ARL15: variants seen among roughly 807,000 people sequenced by gnomAD.
ARL15 encodes the protein ADP-ribosylation factor-like protein 15.
ARL15 carries 19 observed loss-of-function variants against 25.2 expected under a neutral mutation model. The ratio of observed to expected loss-of-function variants is 0.75; its 90% CI spans 0.53 to 1.10. The LOEUF (loss-of-function observed/expected upper bound fraction) is 1.10. Among genes scored for constraint, ARL15 ranks in the 50% least tolerant of loss-of-function variants. ARL15 has a pLI of 0.00. For synonymous variants in ARL15, 94 were observed against 86.8 expected, an observed-to-expected ratio of 1.08 and a Z score of -0.46; for missense variants, 220 against 246.0, an observed-to-expected ratio of 0.89 and a Z score of 0.71.
intron 4 of ARL15, among the ~76,000 whole-genome samples, chr5:53,989,227 A>AT (rs1748401321): frequency 6.6e-6 from 1 of 152,204 alleles, no homozygotes; most frequent in African/African-American, 2.4e-5. Flanking sequence ...CTATTGAAGG[A>AT]TAAAAAATAA....
chr5:54,162,963 T>C (rs1299103664), intron 2 of ARL15, among the ~76,000 whole-genome samples: 1 of 152,190 alleles, frequency 6.6e-6, no homozygotes, highest in Non-Finnish European at 1.5e-5. Context: ...AGAACAGACA[T>C]CCATGTCTTA....
intron 1 of ARL15, among the ~76,000 whole-genome samples, chr5:54,284,252 T>C (rs1310120133): frequency 6.6e-6 from 1 of 152,150 alleles, no homozygotes. Context: ...TACAGGAGCA[T>C]GCCACCATGC....
chr5:54,234,299 T>C (rs1756745648), intron 1 of ARL15, among the ~76,000 whole-genome samples: 3 of 150,720 alleles, frequency 2.0e-5, no homozygotes, highest in South Asian at 2.1e-4. Flanking sequence ...CCCGTTACTA[T>C]TGTTATTTTT....
intron 2 of ARL15, among the ~76,000 whole-genome samples, chr5:54,168,440 AACTTG>A (rs1754637476): frequency 1.3e-5 from 2 of 151,798 alleles, no homozygotes; most frequent in Admixed American, 6.6e-5. Flanking sequence ...TAAAGCTATA[AACTTG>A]ACTCATATTT....
intron 4 of ARL15, among the ~76,000 whole-genome samples, chr5:54,100,725 G>A (rs1222212648): frequency 2.0e-5 from 3 of 151,966 alleles, no homozygotes; most frequent in East Asian, 3.9e-4. Context: ...ATTCAAATAC[G>A]GACTATATTA....
intron 4 of ARL15, among the ~76,000 whole-genome samples, chr5:53,971,442 A>G (rs1747745534): frequency 6.6e-6 from 1 of 152,188 alleles, no homozygotes; most frequent in Admixed American, 6.5e-5. Context: ...TAGACAACAA[A>G]AGCATTTAAA....
At chr5:54,010,881 C>G (rs773803450) in intron 4 of ARL15, among the ~76,000 whole-genome samples, 22 of 151,804 alleles carry the variant, frequency 1.4e-4, no homozygotes, top group Non-Finnish European at 2.1e-4. Flanking sequence ...CGCCTGTAGT[C>G]CCAGCTACTC....
At position 54,228,191 on chromosome 5, in the gene ARL15, T is replaced by C. The variant is rs866388917; in HGVS notation, c.49-56263A>G. On this transcript the variant is annotated intron_variant, in intron 1 of 4. Transcript: ENST00000504924. ...CTCACACATCTCACATCCCTAAAAA[T>C]AGAGGCAAAGGGGACAAAAATTATC... Among the ~76,000 whole-genome samples the C allele has an allele frequency of 3.3e-5, 5 of 152,104 alleles. No individual in the cohort carries two copies. In the South Asian group the frequency reaches 8.3e-4, roughly 25 times the overall value.
intron 4 of ARL15, among the ~76,000 whole-genome samples, chr5:53,983,685 T>A (rs1664783): frequency 0.37 from 55,708 of 152,022 alleles, 10,830 homozygotes; most frequent in Middle Eastern, 0.46. Context: ...ATTCCCCCTT[T>A]TAATGAGATA....
chr5:53,993,111 A>G (rs1748559681), intron 4 of ARL15, among the ~76,000 whole-genome samples: 1 of 143,324 alleles, frequency 7.0e-6, no homozygotes, highest in Non-Finnish European at 1.5e-5. Flanking sequence ...TAAAAGCACT[A>G]ATTTAGGATG....
rs368832005 is a variant in ARL15, at chr5:54,005,591, C to T, written c.462+107611G>A. Among the ~76,000 whole-genome samples, 551 of 151,886 alleles carry T rather than the reference C, an allele frequency of 3.6e-3. 6 individuals carry two copies. The highest frequency in any genetic ancestry group is 0.017 in the Middle Eastern group (5 of 292). ...CTAAAAATACAAAAATAGCCGGGCG[C>T]GGTAGCTCACGCCTGTAATCCCAGC... is the stretch of plus-strand genomic sequence containing the variant. On this transcript the variant is annotated intron_variant, in intron 4 of 4. Coordinates refer to ENST00000504924, the MANE Select transcript of ARL15 (RefSeq NM_019087.3).
At chr5:54,220,299 T>C (rs1245068209) in intron 1 of ARL15, among the ~76,000 whole-genome samples, 1 of 152,182 alleles carries the variant, frequency 6.6e-6, no homozygotes, top group Non-Finnish European at 1.5e-5. Context: ...GATTTATTTA[T>C]CTCCACTCCC....
intron 4 of ARL15, among the ~76,000 whole-genome samples, chr5:54,008,895 G>A (rs1541680): frequency 0.28 from 42,083 of 152,054 alleles, 6,055 homozygotes; most frequent in East Asian, 0.46. Flanking sequence ...TTCTGGCATT[G>A]TCATTTCAGT....
Position 53,886,670 on chromosome 5 carries a change from C to T in ARL15, c.506G>A (p.Arg169His), listed in dbSNP as rs866231077. 1.3e-6 allele frequency: 2 copies of T among 1,574,942 alleles called. No individual in the cohort carries two copies. The highest frequency in any genetic ancestry group is 1.2e-5 in the South Asian group (1 of 85,154). The stretch of plus-strand genomic sequence containing the variant: ...CAGTGAGCAGGGCTGTAGAATCCAG[C>T]GTTTTCCACGTGCAAGTGGTTCAAG... ...FELEPLARGKRWILQPCSLDD... is the reference protein window; with the variant it reads ...FELEPLARGKHWILQPCSLDD... The change falls in exon 5 of 5, where the codon CGC becomes CAC. Residue 169 changes from arginine (R) to histidine (H), a missense_variant. Coordinates refer to ENST00000504924, the MANE Select transcript of ARL15 (RefSeq NM_019087.3).
chr5:53,950,807 G>A (rs1408338972), intron 4 of ARL15, among the ~76,000 whole-genome samples: 1 of 152,164 alleles, frequency 6.6e-6, no homozygotes, highest in Non-Finnish European at 1.5e-5. Flanking sequence ...CATTATGAGT[G>A]CTCTAAGGTA....
intron 4 of ARL15, among the ~76,000 whole-genome samples, chr5:54,085,312 TCC>T (rs2112123781): frequency 6.6e-6 from 1 of 152,352 alleles, no homozygotes; most frequent in South Asian, 2.1e-4. Context: ...TATTTATTAG[TCC>T]TTTATTTTAC....
chr5:53,952,497 C>T (rs1747010170), intron 4 of ARL15, among the ~76,000 whole-genome samples: 1 of 151,706 alleles, frequency 6.6e-6, no homozygotes. Context: ...GTGCCTTGGG[C>T]CTGTTTTATA....
chr5:54,170,804 T>C (rs1754692466), intron 2 of ARL15, among the ~76,000 whole-genome samples: 1 of 152,188 alleles, frequency 6.6e-6, no homozygotes, highest in African/African-American at 2.4e-5. Context: ...GCAGCCAGTA[T>C]ACTGAGACTC....
intron 1 of ARL15, among the ~76,000 whole-genome samples, chr5:54,196,916 A>T (rs763965362): frequency 2.6e-5 from 4 of 152,150 alleles, no homozygotes; most frequent in Non-Finnish European, 4.4e-5. Context: ...AATAAAAATC[A>T]TCAGTGCCAC....
Sources: allele counts gnomAD v4.1 joint callset (sites outside exome capture counted in the v4.1 genomes callset), GRCh38; gene constraint gnomAD v4.1.1; transcripts MANE v1.5; gene names NCBI Gene and HGNC (gene_info 2026-07-23, HGNC 2026-07-21).